SIPA1L1: variants seen among roughly 807,000 people sequenced by gnomAD.
The protein encoded by SIPA1L1 is signal-induced proliferation-associated 1-like protein 1.
In SIPA1L1, 26 loss-of-function variants were observed where a neutral mutation model predicts 162.7. The ratio of observed to expected loss-of-function variants is 0.16; its 90% CI spans 0.12 to 0.22. The LOEUF (loss-of-function observed/expected upper bound fraction) is 0.22, where lower values mean the gene tolerates loss of function less well. Ranked by LOEUF, SIPA1L1 falls within the 10% of genes least tolerant of loss-of-function variation. The pLI, the probability that SIPA1L1 is intolerant of heterozygous loss-of-function variation, is 1.00. For synonymous variants in SIPA1L1, 829 were observed against 837.4 expected, an observed-to-expected ratio of 0.99 and a Z score of 0.17; for missense variants, 1,874 against 2,241.0, an observed-to-expected ratio of 0.84 and a Z score of 3.31.
chr14:71,733,894 A>G (rs183111815), intron 21 of SIPA1L1, 82 bp downstream of exon 21: 43 of 1,411,484 alleles, frequency 3.0e-5, no homozygotes, highest in African/African-American at 5.7e-5. Context: ...TTCTCTGGAC[A>G]CACTCAAAAC....
intron 2 of SIPA1L1, among the ~76,000 whole-genome samples, chr14:71,395,334 T>G (rs1044916941): frequency 6.6e-6 from 1 of 152,100 alleles, no homozygotes; most frequent in African/African-American, 2.4e-5. Flanking sequence ...GCTAACATAA[T>G]ATGATGAGTG....
At chr14:71,708,564 A>G (rs1208156440) in intron 16 of SIPA1L1, among the ~76,000 whole-genome samples, 1 of 152,146 alleles carries the variant, frequency 6.6e-6, no homozygotes, top group Non-Finnish European at 1.5e-5. Flanking sequence ...AGCTGAAGCA[A>G]TCCACCTGCC....
chr14:71,597,726 T>A (rs1215889386), intron 5 of SIPA1L1, among the ~76,000 whole-genome samples: 6 of 152,284 alleles, frequency 3.9e-5, no homozygotes, highest in Non-Finnish European at 7.4e-5. Context: ...CTGGAATAGG[T>A]TACTCTTCCT....
At position 71,661,257 on chromosome 14, in the gene SIPA1L1, G is replaced by A; in HGVS notation, c.2098-53G>A. 3.2e-6 allele frequency: 5 copies of A among 1,583,366 alleles called. No homozygotes were observed. The South Asian group carries it at 5.8e-5, about 18-fold the overall frequency. Reference sequence around the variant, plus strand: ...ACAGCTATATAAGGGAATTGGGGTGGCGGGGGAAGCAAATGATTGTTATTT... The same window carrying A: ...ACAGCTATATAAGGGAATTGGGGTGACGGGGGAAGCAAATGATTGTTATTT... On this transcript the variant is annotated intron_variant, in intron 9 of 23. Coordinates refer to ENST00000381232, the MANE Select transcript of SIPA1L1 (RefSeq NM_001386936.1).
chr14:71,463,881 T>C (rs187986931), intron 2 of SIPA1L1, among the ~76,000 whole-genome samples: 1 of 152,352 alleles, frequency 6.6e-6, no homozygotes, highest in Admixed American at 6.5e-5. Flanking sequence ...TTATTCTGAT[T>C]GCCACTTTGC....
At chr14:71,423,269 G>GTGTTGCCTTTTTTAGTC (rs2043317396) in intron 2 of SIPA1L1, among the ~76,000 whole-genome samples, 1 of 152,048 alleles carries the variant, frequency 6.6e-6, no homozygotes, top group South Asian at 2.1e-4. Context: ...CCCATTCTGT[G>GTGTTGCCTTTTTTAGTC]TGTTGCCTTT....
chr14:71,354,287 T>C (rs978652043), intron 2 of SIPA1L1, among the ~76,000 whole-genome samples: 3 of 151,694 alleles, frequency 2.0e-5, no homozygotes, highest in Admixed American at 1.3e-4. Flanking sequence ...GTTTCTTTTT[T>C]TTTTTTTTTT....
At chr14:71,363,975 A>G (rs915056453) in intron 2 of SIPA1L1, among the ~76,000 whole-genome samples, 2 of 152,194 alleles carry the variant, frequency 1.3e-5, no homozygotes, top group African/African-American at 4.8e-5. Context: ...CCTTATCTAC[A>G]GCAGTGGTTC....
intron 4 of SIPA1L1, among the ~76,000 whole-genome samples, chr14:71,564,666 T>C (rs1486563965): frequency 6.6e-6 from 1 of 151,970 alleles, no homozygotes; most frequent in African/African-American, 2.4e-5. Context: ...TTTTTTGGTA[T>C]TTTTAGTAGA....
chr14:71,420,842 C>T (rs2043139677), intron 2 of SIPA1L1, among the ~76,000 whole-genome samples: 1 of 152,152 alleles, frequency 6.6e-6, no homozygotes, highest in Non-Finnish European at 1.5e-5. Flanking sequence ...ATGTCATCAC[C>T]ATTAACAAAC....
chr14:71,602,014 CT>C (rs1348248735), intron 5 of SIPA1L1, among the ~76,000 whole-genome samples: 2 of 150,924 alleles, frequency 1.3e-5, no homozygotes, highest in African/African-American at 4.9e-5. Context: ...AAAAAAACAA[CT>C]TTTTATTTTG....
intron 2 of SIPA1L1, among the ~76,000 whole-genome samples, chr14:71,409,674 A>G (rs1489408408): frequency 6.6e-6 from 1 of 152,158 alleles, no homozygotes; most frequent in Admixed American, 6.5e-5. Flanking sequence ...TTTGATGGTC[A>G]TCATTGTAGT....
chr14:71,618,344 C>G (rs555298580), intron 5 of SIPA1L1, among the ~76,000 whole-genome samples: 1 of 152,308 alleles, frequency 6.6e-6, no homozygotes, highest in South Asian at 2.1e-4. Flanking sequence ...GGTGGAATCC[C>G]CCTTTCTTCA....
At chr14:71,570,977 T>C (rs1485064196) in intron 4 of SIPA1L1, among the ~76,000 whole-genome samples, 1 of 152,042 alleles carries the variant, frequency 6.6e-6, no homozygotes, top group Admixed American at 6.5e-5. Context: ...TGTATTTTAG[T>C]AGAGGCGGGG....
intron 7 of SIPA1L1, among the ~76,000 whole-genome samples, chr14:71,640,148 C>T (rs1254771199): frequency 6.6e-6 from 1 of 152,142 alleles, no homozygotes; most frequent in Non-Finnish European, 1.5e-5. Flanking sequence ...AAGTGATCTG[C>T]CCACCTCAGC....
At chr14:71,722,643 T>C (rs2083851583) in intron 17 of SIPA1L1, among the ~76,000 whole-genome samples, 1 of 152,212 alleles carries the variant, frequency 6.6e-6, no homozygotes, top group African/African-American at 2.4e-5. Context: ...ACTAAAACTC[T>C]CATCCCTTAT....
At chr14:71,506,077 T>C (rs1295536140) in intron 2 of SIPA1L1, among the ~76,000 whole-genome samples, 1 of 151,832 alleles carries the variant, frequency 6.6e-6, no homozygotes, top group Non-Finnish European at 1.5e-5. Context: ...TAACATGGTA[T>C]CAGTTATTTT....
At position 71,740,323 on chromosome 14, in the gene SIPA1L1, C is replaced by T. The variant is rs1052586550; in HGVS notation, c.*1162C>T. On this transcript the variant is annotated 3_prime_UTR_variant, in exon 24 of 24. Coordinates refer to ENST00000381232, the MANE Select transcript of SIPA1L1 (RefSeq NM_001386936.1). ...CCTTTCATGGCCATCCAAAGGATTCCGCTGCAGAAATTATTGATGTGCTAT... is the reference window on the plus strand; with the variant it reads ...CCTTTCATGGCCATCCAAAGGATTCTGCTGCAGAAATTATTGATGTGCTAT... 5.9e-5 allele frequency: 9 copies of T among 152,136 alleles called. No homozygotes were observed. Among genetic ancestry groups the T allele is most frequent in the South Asian group, 2.1e-4 (1 of 4,820 alleles). 9.4% of individuals were successfully genotyped at this position (152,136 alleles called of 1,614,324 possible).
intron 11 of SIPA1L1, among the ~76,000 whole-genome samples, 173 bp downstream of exon 11, chr14:71,671,865 G>A (rs565109510): frequency 2.7e-5 from 4 of 150,808 alleles, no homozygotes; most frequent in East Asian, 3.9e-4. Flanking sequence ...TGGATGTTTC[G>A]GAAAAGTAGA....
Sources: gnomAD v4.1 joint callset for allele counts (sites outside exome capture counted in the v4.1 genomes callset) on GRCh38, gnomAD v4.1.1 for gene constraint, MANE v1.5 for transcripts, NCBI Gene and HGNC (gene_info 2026-07-23, HGNC 2026-07-21) for gene names.